MDGA2: variants seen among roughly 807,000 people sequenced by gnomAD.
MDGA2 encodes MAM domain-containing glycosylphosphatidylinositol anchor protein 2.
Under a neutral mutation model 117.8 loss-of-function variants are expected in MDGA2, and 40 were observed. That is an observed-to-expected ratio of 0.34 (90% CI 0.26 to 0.44). The LOEUF is 0.44. Ranked by LOEUF, MDGA2 falls within the 20% of genes least tolerant of loss-of-function variation. The pLI is 1.00. For missense variants in MDGA2, 1,123 were observed against 1,250.6 expected, an observed-to-expected ratio of 0.90 and a Z score of 1.54; for synonymous variants, 452 against 439.0, an observed-to-expected ratio of 1.03 and a Z score of -0.37.
chr14:46,897,123 A>C (rs1215502894), intron 10 of MDGA2, among the ~76,000 whole-genome samples: 3 of 152,132 alleles, frequency 2.0e-5, no homozygotes, highest in East Asian at 3.9e-4. Context: ...TTTTTCAGAA[A>C]GCCCTAATGT....
intron 7 of MDGA2, among the ~76,000 whole-genome samples, chr14:47,054,343 C>G (rs966253569): frequency 6.6e-6 from 1 of 151,194 alleles, no homozygotes; most frequent in Admixed American, 6.6e-5. Flanking sequence ...TATTATTATA[C>G]TTTAAGTTTT....
In MDGA2 at chr14:47,481,236, T is replaced by G. The variant is rs75821909; in HGVS notation, c.281-179686A>C. ...GGAGGAAATCTGACTTGGCAAAGAA[T>G]CAGTACTATTTCCAGAGAGGAAAAA... On this transcript the variant is annotated intron_variant, in intron 1 of 16. Transcript: ENST00000399232. Among the ~76,000 whole-genome samples the G allele has an allele frequency of 8.1e-3, 1,237 of 152,078 alleles. 6 individuals carry two copies. Among genetic ancestry groups the G allele is most frequent in the Admixed American group, 0.013 (194 of 15,256 alleles).
At chr14:47,465,106 C>T (rs1203023215) in intron 1 of MDGA2, among the ~76,000 whole-genome samples, 1 of 152,068 alleles carries the variant, frequency 6.6e-6, no homozygotes, top group Non-Finnish European at 1.5e-5. Context: ...AGAAATGACT[C>T]CCTATTCAAT....
At chr14:47,017,617 C>A (rs899994319) in intron 8 of MDGA2, among the ~76,000 whole-genome samples, 1 of 65,084 alleles carries the variant, frequency 1.5e-5, no homozygotes, top group Admixed American at 1.5e-4. Context: ...AAAATATTCA[C>A]ATGATTTCTT....
At chr14:47,343,061 A>G in intron 1 of MDGA2, 1 of 1,285,476 alleles carries the variant, frequency 7.8e-7, no homozygotes, top group South Asian at 1.2e-5. Context: ...CCTGCGGCAG[A>G]TCCCAAGGGA....
At chr14:47,114,995 C>A (rs1594637425) in intron 5 of MDGA2, among the ~76,000 whole-genome samples, 2 of 148,260 alleles carry the variant, frequency 1.3e-5, no homozygotes, top group East Asian at 3.9e-4. Context: ...AGCCAACCTA[C>A]AAAATGGAAG....
At chr14:47,665,534 G>T (rs1401721375) in intron 1 of MDGA2, among the ~76,000 whole-genome samples, 1 of 152,174 alleles carries the variant, frequency 6.6e-6, no homozygotes, top group African/African-American at 2.4e-5. Context: ...TGTGGAGGGA[G>T]CAGCATGAGT....
intron 1 of MDGA2, among the ~76,000 whole-genome samples, chr14:47,397,411 T>C (rs1375692794): frequency 6.6e-6 from 1 of 151,976 alleles, no homozygotes; most frequent in Non-Finnish European, 1.5e-5. Context: ...CAAACCACCA[T>C]GGCATATGTA....
chr14:46,877,236 A>T (rs996342896), intron 12 of MDGA2, among the ~76,000 whole-genome samples: 1 of 151,700 alleles, frequency 6.6e-6, no homozygotes, highest in South Asian at 2.1e-4. Flanking sequence ...AATATTAAGC[A>T]GGTTGGTAAA....
intron 3 of MDGA2, among the ~76,000 whole-genome samples, chr14:47,178,619 G>T (rs1394333730): frequency 6.6e-6 from 1 of 152,062 alleles, no homozygotes; most frequent in Non-Finnish European, 1.5e-5. Flanking sequence ...ATAAATAAAA[G>T]AACATTTCTA....
chr14:47,674,540 C>T lies in MDGA2; in HGVS notation c.257G>A (p.Gly86Glu). The change falls in exon 1 of 17, where the codon GGG becomes GAG. Residue 86 changes from glycine (G) to glutamate (E), a missense_variant. Gly to Glu is a moderately conservative substitution (Grantham distance 98). This residue lies in a region of MDGA2 where 233 missense variants were observed against 200.3 expected (regional missense o/e 1.16). Coordinates refer to ENST00000399232, the MANE Select transcript of MDGA2 (RefSeq NM_001113498.3). ...LVWLLTVLLE[G>E]ISGQGVYAPP... ...ACCGTACACTCCTTGGCCAGAGATC[C>T]CCTCCAGGAGGACTGTCAGCAGCCA... 1 of 1,551,222 alleles carries T rather than the reference C, an allele frequency of 6.4e-7. No individual in the cohort carries two copies. Among genetic ancestry groups the T allele is most frequent in the Non-Finnish European group, 8.7e-7 (1 of 1,146,792 alleles).
At chr14:47,298,044 T>C (rs1271485675) in intron 2 of MDGA2, among the ~76,000 whole-genome samples, 2 of 152,150 alleles carry the variant, frequency 1.3e-5, no homozygotes, top group Middle Eastern at 3.2e-3. Context: ...AATATATGTG[T>C]GTATATATAT....
At chr14:47,325,082 A>G (rs987285520) in intron 1 of MDGA2, among the ~76,000 whole-genome samples, 2 of 152,156 alleles carry the variant, frequency 1.3e-5, no homozygotes, top group African/African-American at 4.8e-5. Context: ...TAGGAGAAAG[A>G]GAAAAAAAAC....
chr14:46,847,601 T>C (rs761110820), intron 15 of MDGA2, among the ~76,000 whole-genome samples: 1 of 151,894 alleles, frequency 6.6e-6, no homozygotes, highest in Non-Finnish European at 1.5e-5. Context: ...ATTTAAAAGG[T>C]CTATGAGAAA....
intron 3 of MDGA2, among the ~76,000 whole-genome samples, chr14:47,201,826 T>G (rs1885519307): frequency 6.6e-6 from 1 of 152,196 alleles, no homozygotes; most frequent in Non-Finnish European, 1.5e-5. Flanking sequence ...CCTCTCTGCT[T>G]TACATCATTT....
At chr14:47,519,184 G>T (rs10220396) in intron 1 of MDGA2, among the ~76,000 whole-genome samples, 1 of 152,224 alleles carries the variant, frequency 6.6e-6, no homozygotes, top group Admixed American at 6.5e-5. Flanking sequence ...CAGCTTGGGC[G>T]ATAGAGCAAG....
At chr14:47,203,066 GAGA>G (rs911570806) in intron 3 of MDGA2, among the ~76,000 whole-genome samples, 8 of 152,034 alleles carry the variant, frequency 5.3e-5, no homozygotes, top group African/African-American at 9.6e-5. Context: ...ATTAAAAAAG[GAGA>G]AGAAGAGTAA....
At chr14:46,959,826 A>T (rs905577719) in intron 8 of MDGA2, among the ~76,000 whole-genome samples, 4 of 152,220 alleles carry the variant, frequency 2.6e-5, no homozygotes, top group East Asian at 1.9e-4. Flanking sequence ...TACCCTTATT[A>T]TACTACTGAA....
rs970702596 is a variant in MDGA2, at chr14:47,621,434, C to T, written c.280+53083G>A. Among the ~76,000 whole-genome samples the T allele has an allele frequency of 8.5e-5, 13 of 152,194 alleles. No homozygotes were observed. The South Asian group carries it at 1.2e-3, about 15-fold the overall frequency. ...GGAGCTCCTGGGTTCAAATGATCCT[C>T]CCACGCCAGCCTCCTGAGTAGCTAG... is the stretch of plus-strand genomic sequence containing the variant. On this transcript the variant is annotated intron_variant, in intron 1 of 16. Coordinates refer to ENST00000399232, the MANE Select transcript of MDGA2 (RefSeq NM_001113498.3).
Sources: allele counts gnomAD v4.1 joint callset (sites outside exome capture counted in the v4.1 genomes callset), GRCh38; gene constraint gnomAD v4.1.1; regional missense constraint gnomAD v4.1.1; transcripts MANE v1.5; gene names NCBI Gene and HGNC (gene_info 2026-07-23, HGNC 2026-07-21).